Variants in CCDC102B observed in about 807,000 individuals in gnomAD.
CCDC102B encodes the protein coiled-coil domain-containing protein 102B.
A neutral mutation model predicts 57.4 loss-of-function variants in CCDC102B; 75 were observed. The observed-to-expected ratio is 1.31, with a 90% CI of 1.08 to 1.58. The LOEUF (loss-of-function observed/expected upper bound fraction) is 1.58. Ranked by LOEUF, CCDC102B falls within the 40% of genes most tolerant of loss-of-function variation. CCDC102B has a pLI of 0.00. For synonymous variants in CCDC102B, 206 were observed against 201.9 expected (o/e 1.02, Z -0.17); for missense variants, 636 against 582.6 (o/e 1.09, Z -0.94).
chr18:68,848,478 T>G (rs1195399160), intron 4 of CCDC102B, among the ~76,000 whole-genome samples: 17 of 152,098 alleles, frequency 1.1e-4, no homozygotes, highest in Non-Finnish European at 4.4e-5. Flanking sequence ...GACCTAGAAT[T>G]GTAAAAATGC....
intron 7 of CCDC102B, among the ~76,000 whole-genome samples, chr18:69,046,336 T>C (rs1323886483): frequency 6.6e-6 from 1 of 152,174 alleles, no homozygotes; most frequent in Admixed American, 6.6e-5. Context: ...TTTATTTGCA[T>C]TTCTCTAATA....
chr18:68,801,065 C>G (rs1445506169), intron 1 of CCDC102B, among the ~76,000 whole-genome samples: 1 of 152,040 alleles, frequency 6.6e-6, no homozygotes, highest in African/African-American at 2.4e-5. Context: ...TATGAACATA[C>G]TGCCTACTAG....
chr18:69,028,543 T>A (rs2052054077), intron 7 of CCDC102B, among the ~76,000 whole-genome samples: 1 of 152,156 alleles, frequency 6.6e-6, no homozygotes, highest in Non-Finnish European at 1.5e-5. Flanking sequence ...TTCTTCCCAA[T>A]GGTCCATTTC....
chr18:68,746,384 C>A (rs2033621423), intron 2 of CCDC102B, among the ~76,000 whole-genome samples: 1 of 152,096 alleles, frequency 6.6e-6, no homozygotes, highest in African/African-American at 2.4e-5. Flanking sequence ...TTTCAAAGGG[C>A]TGCCAGAAGA....
intron 5 of CCDC102B, among the ~76,000 whole-genome samples, chr18:68,886,339 T>C (rs1450126943): frequency 6.6e-6 from 1 of 151,964 alleles, no homozygotes; most frequent in Non-Finnish European, 1.5e-5. Flanking sequence ...GGGTGATGAT[T>C]TATAAATTAT....
chr18:68,732,488 GCAC>G (rs2032923660), intron 2 of CCDC102B, among the ~76,000 whole-genome samples: 4 of 151,898 alleles, frequency 2.6e-5, no homozygotes, highest in Admixed American at 6.6e-5. Context: ...GGGATTACAG[GCAC>G]CCACCATCAT....
intron 6 of CCDC102B, among the ~76,000 whole-genome samples, chr18:68,948,888 A>AAT (rs1407109030): frequency 6.6e-6 from 1 of 152,010 alleles, no homozygotes; most frequent in Non-Finnish European, 1.5e-5. Context: ...TATTAGTCAG[A>AAT]ATATATATAT....
At chr18:68,951,195 G>C (rs1285463590) in intron 6 of CCDC102B, among the ~76,000 whole-genome samples, 3 of 152,028 alleles carry the variant, frequency 2.0e-5, no homozygotes, top group Non-Finnish European at 4.4e-5. Flanking sequence ...TGATGTTAGG[G>C]AGTTCCAGAA....
At chr18:68,760,151 C>A (rs575892362) in intron 2 of CCDC102B, among the ~76,000 whole-genome samples, 5 of 152,174 alleles carry the variant, frequency 3.3e-5, no homozygotes, top group Admixed American at 2.0e-4. Flanking sequence ...TTCTCATAGC[C>A]ATTTAGCACA....
chr18:68,846,376 G>A lies in CCDC102B; in HGVS notation c.891G>A (p.Trp297Ter). 1 of 1,592,050 alleles carries A rather than the reference G, an allele frequency of 6.3e-7. No homozygotes were observed. The highest frequency in any genetic ancestry group is 8.5e-7 in the Non-Finnish European group (1 of 1,170,730). ...RLESALSLWK[W>*]KYEELKESKP... Reference sequence around the variant, plus strand: ...AGTCGGCTTTGTCTCTGTGGAAGTGGAAGTATGAAGAACTGAAAGAATCAA... The same window carrying A: ...AGTCGGCTTTGTCTCTGTGGAAGTGAAAGTATGAAGAACTGAAAGAATCAA... The change falls in exon 4 of 8, where the codon TGG (tryptophan) becomes TGA (stop). Residue 297 changes from tryptophan to a stop codon, truncating the protein, a stop_gained. Coordinates refer to ENST00000360242, the MANE Select transcript of CCDC102B (RefSeq NM_024781.3). LOFTEE classifies it high-confidence loss of function.
At chr18:68,903,475 A>T (rs988588377) in intron 6 of CCDC102B, among the ~76,000 whole-genome samples, 3 of 152,188 alleles carry the variant, frequency 2.0e-5, no homozygotes, top group Non-Finnish European at 4.4e-5. Flanking sequence ...TGTGACAAAA[A>T]TGTAGAATTG....
At chr18:68,803,821 G>A (rs546096561) in intron 1 of CCDC102B, among the ~76,000 whole-genome samples, 10 of 150,570 alleles carry the variant, frequency 6.6e-5, no homozygotes, top group South Asian at 2.1e-4. Context: ...GCCTCAGGTC[G>A]GGAAATCATG....
intron 6 of CCDC102B, among the ~76,000 whole-genome samples, chr18:68,979,254 A>G (rs977074653): frequency 2.0e-5 from 3 of 152,010 alleles, no homozygotes; most frequent in African/African-American, 7.2e-5. Context: ...AGTGGTACTG[A>G]AAGCATTTTC....
intron 2 of CCDC102B, among the ~76,000 whole-genome samples, chr18:68,780,108 TATACA>T (rs1443493229): frequency 2.6e-5 from 4 of 152,150 alleles, no homozygotes; most frequent in Non-Finnish European, 4.4e-5. Context: ...ATAAATGAAT[TATACA>T]ATACGTTGTT....
intron 7 of CCDC102B, among the ~76,000 whole-genome samples, chr18:69,050,408 C>T (rs2052676243): frequency 6.6e-6 from 1 of 152,100 alleles, no homozygotes. Context: ...GACTTCTGCA[C>T]TTTAGATATT....
At chr18:68,983,059 G>T (rs1310499038) in intron 6 of CCDC102B, among the ~76,000 whole-genome samples, 3 of 151,598 alleles carry the variant, frequency 2.0e-5, no homozygotes, top group African/African-American at 7.3e-5. Flanking sequence ...CTAATTATTT[G>T]TGTTCATACT....
chr18:69,055,367 G>A (rs545492078), downstream of CCDC102B, among the ~76,000 whole-genome samples: 82 of 152,090 alleles, frequency 5.4e-4, no homozygotes, highest in East Asian at 7.2e-3. Context: ...CTATCTTGTC[G>A]CTGGGTACTC....
At chr18:68,816,658 G>A (rs2036493924) in intron 1 of CCDC102B, among the ~76,000 whole-genome samples, 1 of 151,814 alleles carries the variant, frequency 6.6e-6, no homozygotes, top group Non-Finnish European at 1.5e-5. Context: ...TACAGACGGG[G>A]TTTCACCATG....
chr18:69,023,068 A>G (rs890202533), intron 7 of CCDC102B, among the ~76,000 whole-genome samples: 4 of 152,306 alleles, frequency 2.6e-5, no homozygotes, highest in African/African-American at 9.6e-5. Flanking sequence ...TATGTGAGAC[A>G]AGGCAAATGA....
Sources: gnomAD v4.1 joint callset for allele counts (sites outside exome capture counted in the v4.1 genomes callset) on GRCh38, gnomAD v4.1.1 for gene constraint, MANE v1.5 for transcripts, NCBI Gene and HGNC (gene_info 2026-07-23, HGNC 2026-07-21) for gene names.